FLNA: variants seen among roughly 807,000 people sequenced by gnomAD.
FLNA encodes filamin-A.
FLNA carries 7 observed loss-of-function variants against 157.6 expected under a neutral mutation model. That is an observed-to-expected ratio of 0.04 (90% CI 0.03 to 0.08). The LOEUF is 0.08. Among genes scored for constraint, FLNA ranks in the 10% least tolerant of loss-of-function variants. The pLI is 1.00. For synonymous variants in FLNA, 1,103 were observed against 1,060.8 expected (o/e 1.04, Z -0.77); for missense variants, 1,750 against 2,398.4 (o/e 0.73, Z 5.65).
Position 154,349,483 on chromosome X carries a change from G to C in FLNA, c.7635C>G (p.Pro2545=). The change falls in exon 47 of 48, where the codon CCC becomes CCG. Residue 2545 remains proline (P), a synonymous_variant. Coordinates refer to ENST00000369850, the MANE Select transcript of FLNA (RefSeq NM_001110556.2). The part of the protein sequence containing the change: ...VDSLTKATCA[P]QHGAPGPGPA... Reference sequence around the variant, plus strand: ...GCCCAGGACCCGGGGCCCCATGCTGGGGGGCACAGGTGGCCTTGGTCAGAG... The same window carrying C: ...GCCCAGGACCCGGGGCCCCATGCTGCGGGGCACAGGTGGCCTTGGTCAGAG... 2 of 1,211,409 alleles carry C rather than the reference G, an allele frequency of 1.7e-6. No homozygotes were observed. Among genetic ancestry groups the C allele is most frequent in the East Asian group, 3.0e-5 (1 of 33,825 alleles).
chrX:154,351,819 C>T, intron 42 of FLNA, 65 bp downstream of exon 42: 1 of 1,178,309 alleles, frequency 8.5e-7, no homozygotes. Flanking sequence ...CTATCTGTGC[C>T]AGCCCTGGGT....
chrX:154,351,131 C>G, intron 43 of FLNA, 90 bp from the exon 44 acceptor site: 1 of 1,033,410 alleles, frequency 9.7e-7, no homozygotes, highest in Non-Finnish European at 1.4e-6. Flanking sequence ...GCCCGCGGGT[C>G]GCACTTACCC....
intron 10 of FLNA, 45 bp from the exon 11 acceptor site, chrX:154,365,304 G>T (rs201548282): frequency 8.3e-7 from 1 of 1,211,408 alleles, no homozygotes; most frequent in African/African-American, 1.7e-5. Flanking sequence ...CAGTGAACCC[G>T]GGGGCTGCCG....
Position 154,364,117 on chromosome X carries a change from C to A in FLNA, c.2185G>T (p.Gly729Cys). The change falls in exon 15 of 48, where the codon GGC becomes TGC. Residue 729 changes from glycine to cysteine, a missense_variant. By Grantham distance (159) the Gly-to-Cys change is radical. This residue lies in a region of FLNA where 648 missense variants were observed against 805.8 expected (regional missense o/e 0.80). Coordinates refer to ENST00000369850, the MANE Select transcript of FLNA (RefSeq NM_001110556.2). ...GGCACGTAGGAGCAGCTGTAAGTGC[C>A]ATTGCCGTTGTCCTTGACCAACGCC... ...VEALVKDNGN[G>C]TYSCSYVPRK... 8.3e-7 allele frequency: 1 copy of A among 1,211,096 alleles called. No individual in the cohort carries two copies. Among genetic ancestry groups the A allele is most frequent in the Non-Finnish European group, 1.1e-6 (1 of 895,180 alleles).
At position 154,365,450 on chromosome X, in the gene FLNA, C is replaced by A; in HGVS notation, c.1466G>T (p.Gly489Val). The change falls in exon 10 of 48, where the codon GGC (glycine) becomes GTC (valine). Residue 489 changes from glycine (G) to valine (V), a missense_variant. Physicochemically the swap from Gly to Val is moderately radical, Grantham distance 109. This residue lies in a region of FLNA where 648 missense variants were observed against 805.8 expected (regional missense o/e 0.80). Transcript: ENST00000369850. ...NPSACRAVGR[G>V]LQPKGVRVKE... ...CACCCGCACACCCTTGGGCTGGAGG[C>A]CCCGGCCAACCGCCCGGCAGGCACT... 4 of 1,211,391 alleles carry A rather than the reference C, an allele frequency of 3.3e-6. No individual in the cohort carries two copies. The highest frequency in any genetic ancestry group is 4.5e-6 in the Non-Finnish European group (4 of 895,345).
At position 154,367,698 on chromosome X, in the gene FLNA, G is replaced by T; in HGVS notation, c.663C>A (p.Pro221=). The T allele has an allele frequency of 1.7e-6, 2 of 1,211,259 alleles. No homozygotes were observed. Among genetic ancestry groups the T allele is most frequent in the Non-Finnish European group, 2.2e-6 (2 of 895,490 alleles). ...GCATGGCCTCTCGCGCATTGGTAACGGGCTTGCTGGCGTCCCAAGAGTCCC... is the reference window on the plus strand; with the variant it reads ...GCATGGCCTCTCGCGCATTGGTAACTGGCTTGCTGGCGTCCCAAGAGTCCC... ...PDWDSWDASK[P]VTNAREAMQQ... The change falls in exon 4 of 48, where the codon CCC becomes CCA. Residue 221 remains proline (P), a synonymous_variant. Transcript: ENST00000369850.
Position 154,365,494 on chromosome X carries a change from C to T in FLNA, c.1430-8G>A. ...AGGCACTCGGGTTACAGGCTGCAGG[C>T]AGAGGGGCCAGCTGAGCACCAGCAG... On this transcript the variant is annotated splice_region_variant and splice_polypyrimidine_tract_variant and intron_variant, in intron 9 of 47. Coordinates refer to ENST00000369850, the MANE Select transcript of FLNA (RefSeq NM_001110556.2). 2 of 1,209,563 alleles carry T rather than the reference C, an allele frequency of 1.7e-6. No homozygotes were observed. Among genetic ancestry groups the T allele is most frequent in the Non-Finnish European group, 2.2e-6 (2 of 894,621 alleles).
rs1557178074 is a variant in FLNA, at chrX:154,361,717, G to A, written c.2897C>T (p.Ser966Phe). 5 of 1,211,109 alleles carry A rather than the reference G, an allele frequency of 4.1e-6. No individual in the cohort carries two copies. In the Admixed American group the frequency reaches 8.7e-5, roughly 21 times the overall value. Reference protein sequence around the residue: ...IPKSPFSVAVSPSLDLSKIKV... With the variant: ...IPKSPFSVAVFPSLDLSKIKV... ...GATCTTGCTGAGGTCCAGGCTTGGA[G>A]ATACTGCCACTGAGAAAGGGCTCTT... Residue 966 changes from serine to phenylalanine, a missense_variant, in exon 20 of 48, where the codon TCT becomes TTT. By Grantham distance (155) the Ser-to-Phe change is radical. Coordinates refer to ENST00000369850, the MANE Select transcript of FLNA (RefSeq NM_001110556.2).
intron 2 of FLNA, among the ~76,000 whole-genome samples, chrX:154,368,726 T>A (rs1557179788): frequency 8.9e-6 from 1 of 112,028 alleles, no homozygotes; most frequent in Non-Finnish European, 1.9e-5. Flanking sequence ...AAGCTTGGAG[T>A]TGGGAGGCCA....
At chrX:154,367,326 C>T (rs1199727244) in intron 5 of FLNA, 71 bp downstream of exon 5, 4 of 1,136,511 alleles carry the variant, frequency 3.5e-6, no homozygotes, top group African/African-American at 1.8e-5. Context: ...GGGACCGCCA[C>T]GTTTAGATGG....
chrX:154,358,454 A>G lies in FLNA; in HGVS notation c.4589T>C (p.Val1530Ala), dbSNP rs1603360612. 2.5e-6 allele frequency: 3 copies of G among 1,210,622 alleles called. No individual in the cohort carries two copies. Among genetic ancestry groups the G allele is most frequent in the Middle Eastern group, 2.3e-4 (1 of 4,353 alleles). ...AGGCCCTGCCTCTTACCTCCGGGGT[A>G]CCTCTTCATCTCCATACAGTACTGA... ...SISVLYGDEEVPRSPFKVKVL... is the reference protein window; with the variant it reads ...SISVLYGDEEAPRSPFKVKVL... Residue 1530 changes from valine to alanine, a missense_variant, in exon 27 of 48, where the codon GTA becomes GCA. By Grantham distance (64) the Val-to-Ala change is moderately conservative. Coordinates refer to ENST00000369850, the MANE Select transcript of FLNA (RefSeq NM_001110556.2).
chrX:154,350,751 G>A (rs2067612567), intron 44 of FLNA, 158 bp downstream of exon 44: 5 of 572,750 alleles, frequency 8.7e-6, no homozygotes, highest in Non-Finnish European at 1.2e-5. Context: ...CACATCCCCA[G>A]CGGCTTGGGT....
chrX:154,351,212 A>G (rs2067616187), intron 43 of FLNA, 171 bp from the exon 44 acceptor site: 1 of 516,727 alleles, frequency 1.9e-6, no homozygotes, highest in Non-Finnish European at 3.3e-6. Context: ...ACAGGCGCAC[A>G]TCCCCGCCCC....
intron 28 of FLNA, 91 bp downstream of exon 28, chrX:154,358,108 G>T: frequency 9.7e-7 from 1 of 1,026,317 alleles, no homozygotes; most frequent in Non-Finnish European, 1.4e-6. Context: ...CCTTGGTGCA[G>T]CTCCGCAGGG....
chrX:154,366,729 T>C lies in FLNA; in HGVS notation c.987+3A>G. 1 of 1,205,794 alleles carries C rather than the reference T, an allele frequency of 8.3e-7. No individual in the cohort carries two copies. The highest frequency in any genetic ancestry group is 1.1e-6 in the Non-Finnish European group (1 of 889,794). The stretch of plus-strand genomic sequence containing the variant: ...GGCCTCTGCTGCCAGCAGCTGGCCC[T>C]ACCTCCTCCTGGTGTCCGGCCGGGT... On this transcript the variant is annotated splice_donor_region_variant and intron_variant, in intron 6 of 47. Transcript: ENST00000369850.
Position 154,360,108 on chromosome X carries a change from G to A in FLNA, c.3687C>T (p.Tyr1229=). 8.3e-7 allele frequency: 1 copy of A among 1,210,989 alleles called. No homozygotes were observed. Among genetic ancestry groups the A allele is most frequent in the Non-Finnish European group, 1.1e-6 (1 of 895,047 alleles). The change falls in exon 22 of 48, where the codon TAC becomes TAT. Residue 1229 remains tyrosine (Y), a synonymous_variant. Transcript: ENST00000369850. Reference sequence around the variant, plus strand: ...GGCCGCCGTACTTGATGGTGACGGTGTAGGCCCCGGGGCAGAGGGGAATGT... The same window carrying A: ...GGCCGCCGTACTTGATGGTGACGGTATAGGCCCCGGGGCAGAGGGGAATGT... ...ITYIPLCPGA[Y]TVTIKYGGQP...
Position 154,348,863 on chromosome X carries a change from C to G in FLNA, c.7930G>C (p.Val2644Leu). Residue 2644 changes from valine (V) to leucine (L), a missense_variant, in exon 48 of 48, where the codon GTT (valine) becomes CTT (leucine). Transcript: ENST00000369850. ...DEHIPGSPYR[V>L]VVP The stretch of plus-strand genomic sequence containing the variant: ...GGGCCCCAGACTCAGGGCACCACAA[C>G]GCGGTAGGGGCTGCCTGGGATGTGC... 1 of 1,207,462 alleles carries G rather than the reference C, an allele frequency of 8.3e-7. No homozygotes were observed. The highest frequency in any genetic ancestry group is 1.1e-6 in the Non-Finnish European group (1 of 892,867).
chrX:154,351,560 C>T lies in FLNA; in HGVS notation c.7023+21G>A, dbSNP rs782706012. 8 of 1,091,585 alleles carry T rather than the reference C, an allele frequency of 7.3e-6. No individual in the cohort carries two copies. In the East Asian group the frequency reaches 1.8e-4, roughly 25 times the overall value. The allele number at this position is 1,091,585 out of a possible 1,213,427, so 90.0% of individuals were successfully genotyped here. A position where few individuals can be genotyped will look rare whatever the true frequency, so the allele number is the denominator to read the frequency against. Reference sequence around the variant, plus strand: ...TCCGGGCCCAGGAGCCCCAGGTGGGCGGTTTCTCTCGGTGCCTCACCTGAA... The same window carrying T: ...TCCGGGCCCAGGAGCCCCAGGTGGGTGGTTTCTCTCGGTGCCTCACCTGAA... On this transcript the variant is annotated intron_variant, in intron 43 of 47. Coordinates refer to ENST00000369850, the MANE Select transcript of FLNA (RefSeq NM_001110556.2).
In FLNA at chrX:154,357,634, G is replaced by A. The variant is rs1557177120; in HGVS notation, c.4756-11C>T. ...CTTGCCTTCGGGATCCTGTGTGGCA[G>A]AGGCAGGGGAGGCAGTTGGCCCAAG... is the stretch of plus-strand genomic sequence containing the variant. On this transcript the variant is annotated splice_polypyrimidine_tract_variant and intron_variant, in intron 28 of 47. Coordinates refer to ENST00000369850, the MANE Select transcript of FLNA (RefSeq NM_001110556.2). 1 of 1,205,944 alleles carries A rather than the reference G, an allele frequency of 8.3e-7. No individual in the cohort carries two copies. The highest frequency in any genetic ancestry group is 1.7e-5 in the African/African-American group (1 of 57,860).
Sources: allele counts gnomAD v4.1 joint callset (sites outside exome capture counted in the v4.1 genomes callset), GRCh38; gene constraint gnomAD v4.1.1; regional missense constraint gnomAD v4.1.1; transcripts MANE v1.5; gene names NCBI Gene and HGNC (gene_info 2026-07-23, HGNC 2026-07-21).